Variants in BRCA1 observed in about 807,000 individuals in gnomAD.
BRCA1 encodes BRCA1 DNA repair associated.
BRCA1 carries 140 observed loss-of-function variants against 173.7 expected under a neutral mutation model. The observed-to-expected ratio is 0.81, with a 90% CI of 0.70 to 0.93. The LOEUF (loss-of-function observed/expected upper bound fraction) is 0.93. BRCA1 is among the 40% of genes least tolerant of loss of function. BRCA1 has a pLI of 0.00. For synonymous variants in BRCA1, 662 were observed against 756.0 expected (o/e 0.88, Z 2.04); for missense variants, 1,983 against 2,172.5 (o/e 0.91, Z 1.73).
At chr17:43,103,440 C>G (rs578193281) in intron 6 of BRCA1, among the ~76,000 whole-genome samples, 9 of 148,800 alleles carry the variant, frequency 6.0e-5, no homozygotes, top group African/African-American at 2.2e-4. Flanking sequence ...GCGCTCCAGC[C>G]TGGGCGACAG....
chr17:43,100,013 A>G, intron 6 of BRCA1, 133 bp from the exon 7 acceptor site: 2 of 765,916 alleles, frequency 2.6e-6, no homozygotes, highest in South Asian at 1.4e-5. Flanking sequence ...ATGCCTGGAA[A>G]AAATGCCCAG....
intron 1 of BRCA1, among the ~76,000 whole-genome samples, chr17:43,135,627 G>T (rs2056014053): frequency 6.6e-6 from 1 of 152,184 alleles, no homozygotes; most frequent in African/African-American, 2.4e-5. Flanking sequence ...AGCCTCGTGA[G>T]CCCGAACAGT....
chr17:43,147,833 C>A (rs1271985779), intron 1 of BRCA1, among the ~76,000 whole-genome samples: 1 of 152,108 alleles, frequency 6.6e-6, no homozygotes, highest in Admixed American at 6.5e-5. Context: ...CACCTGGTGG[C>A]CTTCCCTACC....
chr17:43,093,459 CT>C lies in BRCA1; in HGVS notation c.2071del (p.Arg691AspfsTer10), dbSNP rs80357688. 5 of 1,614,050 alleles carry C rather than the reference CT, an allele frequency of 3.1e-6. No homozygotes were observed. The highest frequency in any genetic ancestry group is 4.2e-6 in the Non-Finnish European group (5 of 1,179,960). On this transcript the variant is annotated frameshift_variant, in exon 10 of 23. Coordinates refer to ENST00000357654, the MANE Select transcript of BRCA1 (RefSeq NM_007294.4). LOFTEE classifies it high-confidence loss of function. ...SNKPNEQTSK[R>X]HDSDTFPELK... The stretch of plus-strand genomic sequence containing the variant: ...CTCTGGGAAAGTATCGCTGTCATGT[CT>C]TTTACTTGTCTGTTCATTTGGCTTG...
intron 8 of BRCA1, 117 bp downstream of exon 8, chr17:43,097,127 C>A (rs538329982): frequency 1.9e-6 from 2 of 1,056,496 alleles, no homozygotes; most frequent in African/African-American, 1.6e-5. Context: ...ACTGCACATA[C>A]ATCCCTGAAC....
Position 43,118,086 on chromosome 17 carries a change from TG to T in BRCA1, c.81-2308del, listed in dbSNP as rs1462909072. On this transcript the variant is annotated intron_variant, in intron 2 of 22. Coordinates refer to ENST00000357654, the MANE Select transcript of BRCA1 (RefSeq NM_007294.4). ...TATCTATGTGGGGGTGAGATGTACA[TG>T]GGGGGAGTCAGGAAAGGTTTCACTG... 3.3e-5 allele frequency among the ~76,000 whole-genome samples: 5 copies of T among 150,968 alleles called. No homozygotes were observed. In the South Asian group the frequency reaches 1.0e-3, roughly 32 times the overall value.
chr17:43,144,696 TTA>T (rs1266299740), intron 1 of BRCA1: 1 of 214,342 alleles, frequency 4.7e-6, no homozygotes, highest in Admixed American at 5.3e-5. Context: ...CTAGAATTAG[TTA>T]TATATATTCT....
intron 21 of BRCA1, 81 bp from the exon 22 acceptor site, chr17:43,047,784 GT>G: frequency 6.7e-7 from 1 of 1,497,602 alleles, no homozygotes; most frequent in Non-Finnish European, 9.3e-7. Flanking sequence ...TTTTTTGTTT[GT>G]TTTTGAGACA....
chr17:43,155,347 T>A (rs962362303), intron 1 of BRCA1, among the ~76,000 whole-genome samples: 2 of 152,040 alleles, frequency 1.3e-5, no homozygotes, highest in African/African-American at 2.4e-5. Flanking sequence ...CCCAAAGTAC[T>A]GGGATTACAG....
chr17:43,144,579 C>G (rs1452959303), intron 1 of BRCA1: 1 of 164,290 alleles, frequency 6.1e-6, no homozygotes, highest in Non-Finnish European at 1.4e-5. Flanking sequence ...TGCCTGCTGC[C>G]TTTGTGGATG....
intron 3 of BRCA1, among the ~76,000 whole-genome samples, chr17:43,109,148 T>G (rs903868257): frequency 3.8e-4 from 58 of 152,012 alleles, no homozygotes; most frequent in Admixed American, 3.7e-3. Context: ...TGTGAGCCAT[T>G]GCGCTGGGCT....
intron 12 of BRCA1, chr17:43,079,389 T>C: frequency 6.3e-7 from 1 of 1,596,782 alleles, no homozygotes; most frequent in Non-Finnish European, 8.5e-7. Flanking sequence ...TTTGGCCATG[T>C]ATATGCGAAT....
rs398122701 is a variant in BRCA1 at position 43,097,306 on chromosome 17, CA to C, written c.548-18del. ...AATCAGATCCTAAAAAATTTCCCCC[CA>C]AAAAATAAATCAATAAAAGTTTTCT... is the stretch of plus-strand genomic sequence containing the variant. On this transcript the variant is annotated intron_variant, in intron 7 of 22. Coordinates refer to ENST00000357654, the MANE Select transcript of BRCA1 (RefSeq NM_007294.4). The C allele has an allele frequency of 3.7e-6, 6 of 1,606,668 alleles. No homozygotes were observed. In the African/African-American group the frequency reaches 8.0e-5, roughly 22 times the overall value.
chr17:43,127,216 C>A (rs1227098098), upstream of BRCA1, among the ~76,000 whole-genome samples: 3 of 152,226 alleles, frequency 2.0e-5, no homozygotes, highest in Non-Finnish European at 2.9e-5. Flanking sequence ...AGGCGCCCGG[C>A]ACAGCCCTGC....
chr17:43,048,693 T>G (rs2051049144), intron 21 of BRCA1, among the ~76,000 whole-genome samples: 1 of 151,360 alleles, frequency 6.6e-6, no homozygotes, highest in African/African-American at 2.4e-5. Flanking sequence ...TTTTGTTTTT[T>G]TTTTTTTAGT....
At chr17:43,078,358 T>C (rs944758400) in intron 12 of BRCA1, among the ~76,000 whole-genome samples, 6 of 152,180 alleles carry the variant, frequency 3.9e-5, no homozygotes, top group East Asian at 3.9e-4. Context: ...GTGCTGGGAT[T>C]ATAGGCATGA....
rs765156052 is a variant in BRCA1, at chr17:43,091,440, T to G, written c.4091A>C (p.Asn1364Thr). The change falls in exon 10 of 23, where the codon AAC (asparagine) becomes ACC (threonine). Residue 1364 changes from asparagine (N) to threonine (T), a missense_variant. Asn to Thr is a moderately conservative substitution (Grantham distance 65, BLOSUM62 0). Transcript: ENST00000357654. ...NNQEEQSMDS[N>T]LGEAASGCES... ...CAAAAACCTGGTTCCAATACCTAAG[T>G]TTGAATCCATGCTTTGCTCTTCTTG... is the stretch of plus-strand genomic sequence containing the variant. 1 of 1,613,942 alleles carries G rather than the reference T, an allele frequency of 6.2e-7. No individual in the cohort carries two copies. Among genetic ancestry groups the G allele is most frequent in the South Asian group, 1.1e-5 (1 of 91,004 alleles).
chr17:43,135,172 A>T (rs1597932376), intron 1 of BRCA1, among the ~76,000 whole-genome samples: 1 of 152,196 alleles, frequency 6.6e-6, no homozygotes, highest in South Asian at 2.1e-4. Flanking sequence ...GGTTCTGCGG[A>T]CCCCGTGCAC....
intron 2 of BRCA1, among the ~76,000 whole-genome samples, chr17:43,120,690 GGGA>G (rs896268914): frequency 6.6e-6 from 1 of 152,180 alleles, no homozygotes; most frequent in African/African-American, 2.4e-5. Context: ...GCGTGAACCC[GGGA>G]GGCGGAGCTT....
Sources: gnomAD v4.1 joint callset for allele counts (sites outside exome capture counted in the v4.1 genomes callset) on GRCh38, gnomAD v4.1.1 for gene constraint, MANE v1.5 for transcripts, NCBI Gene and HGNC (gene_info 2026-07-23, HGNC 2026-07-21) for gene names.